ATP6V0A4: variants seen among roughly 807,000 people sequenced by gnomAD.
The protein encoded by ATP6V0A4 is ATPase H+ transporting V0 subunit a4.
In ATP6V0A4, 86 loss-of-function variants were observed where a neutral mutation model predicts 107.3. The ratio of observed to expected loss-of-function variants is 0.80; its 90% CI spans 0.67 to 0.96. The LOEUF is 0.96. Among genes scored for constraint, ATP6V0A4 ranks in the 40% least tolerant of loss-of-function variants. ATP6V0A4 has a pLI of 0.00. For missense variants in ATP6V0A4, 908 were observed against 1,045.6 expected, an observed-to-expected ratio of 0.87 and a Z score of 1.81; for synonymous variants, 353 against 381.4, an observed-to-expected ratio of 0.93 and a Z score of 0.87.
intron 3 of ATP6V0A4, among the ~76,000 whole-genome samples, chr7:138,770,063 C>A (rs563027995): frequency 3.0e-4 from 45 of 151,188 alleles, no homozygotes; most frequent in African/African-American, 1.0e-3. Flanking sequence ...ACAACAACAA[C>A]AAAAAAAATT....
chr7:138,772,708 C>A (rs1192031444), intron 2 of ATP6V0A4, among the ~76,000 whole-genome samples: 1 of 152,200 alleles, frequency 6.6e-6, no homozygotes, highest in Non-Finnish European at 1.5e-5. Context: ...AGCCCGCACA[C>A]AGCATACGTA....
rs1806517750 is a variant in ATP6V0A4 at position 138,756,452 on chromosome 7, T to C, written c.722+6A>G. On this transcript the variant is annotated splice_donor_region_variant and intron_variant, in intron 9 of 21. Transcript: ENST00000310018. ...ACTGAAGAAAGAGCCATTCACTCCC[T>C]CTTACCCATCACAGATCTTCTTGAT... The C allele has an allele frequency of 1.2e-6, 2 of 1,606,786 alleles. No individual in the cohort carries two copies. The highest frequency in any genetic ancestry group is 2.7e-5 in the African/African-American group (2 of 74,300).
At chr7:138,721,312 G>C (rs1373455197) in intron 19 of ATP6V0A4, among the ~76,000 whole-genome samples, 5 of 152,184 alleles carry the variant, frequency 3.3e-5, no homozygotes, top group African/African-American at 9.7e-5. Flanking sequence ...GCCGAGGCAG[G>C]CAGATCACCT....
chr7:138,708,024 T>TATTA (rs1429164988), intron 21 of ATP6V0A4, among the ~76,000 whole-genome samples: 1 of 139,398 alleles, frequency 7.2e-6, no homozygotes, highest in Non-Finnish European at 1.5e-5. Context: ...TTATTTTATT[T>TATTA]ATTTATTTAT....
In ATP6V0A4 at chr7:138,732,325, C is replaced by G. The variant is rs577878844; in HGVS notation, c.1908+552G>C. ...ATGTACAAGACAATCTTCAATCCCT[C>G]TGCAATTATCCCTTTCATGTATTAC... On this transcript the variant is annotated intron_variant, in intron 17 of 21. Coordinates refer to ENST00000310018, the MANE Select transcript of ATP6V0A4 (RefSeq NM_020632.3). Among the ~76,000 whole-genome samples the G allele has an allele frequency of 2.6e-5, 4 of 152,210 alleles. No individual in the cohort carries two copies. In the East Asian group the frequency reaches 7.7e-4, roughly 29 times the overall value.
intron 21 of ATP6V0A4, among the ~76,000 whole-genome samples, chr7:138,709,081 C>T (rs1388754961): frequency 2.6e-5 from 4 of 151,652 alleles, no homozygotes; most frequent in East Asian, 1.9e-4. Flanking sequence ...TAGTGGCAGA[C>T]GCCTGTAATC....
At chr7:138,726,210 C>T (rs575283345) in intron 18 of ATP6V0A4, among the ~76,000 whole-genome samples, 70 of 152,044 alleles carry the variant, frequency 4.6e-4, no homozygotes, top group African/African-American at 1.5e-3. Context: ...AGGATGGTCT[C>T]GATCTCCTGA....
chr7:138,716,991 G>A (rs1264714519), intron 19 of ATP6V0A4, among the ~76,000 whole-genome samples: 1 of 152,174 alleles, frequency 6.6e-6, no homozygotes, highest in African/African-American at 2.4e-5. Context: ...GTGGTATCGT[G>A]GGAACACAGA....
At chr7:138,735,227 A>C in intron 15 of ATP6V0A4, among the ~76,000 whole-genome samples, 1 of 152,084 alleles carries the variant, frequency 6.6e-6, no homozygotes, top group East Asian at 1.9e-4. Flanking sequence ...TTCCCCATTT[A>C]AATCTCGGCA....
rs1043844377 is a variant in ATP6V0A4, at chr7:138,773,515, A to G, written c.-17-2251T>C. 6.6e-6 allele frequency among the ~76,000 whole-genome samples: 1 copy of G among 152,058 alleles called. No homozygotes were observed. Among genetic ancestry groups the G allele is most frequent in the Admixed American group, 6.6e-5 (1 of 15,262 alleles). ...GTTTAACTGCCTGGATTCCCCACACACAAACCAGTGAAGTCCACGAGGCTA... is the reference window on the plus strand; with the variant it reads ...GTTTAACTGCCTGGATTCCCCACACGCAAACCAGTGAAGTCCACGAGGCTA... On this transcript the variant is annotated intron_variant, in intron 2 of 21. Transcript: ENST00000310018. This position sits in a 1 kb window ranked among gnomAD's most constrained non-coding sequence, Gnocchi z 5.4.
chr7:138,779,365 T>A (rs796985109), intron 2 of ATP6V0A4, among the ~76,000 whole-genome samples: 2,522 of 150,898 alleles, frequency 0.017, 86 homozygotes, highest in African/African-American at 0.058. Context: ...AATAAATAAA[T>A]AAAAGATTGT....
rs145041425 is a variant in ATP6V0A4, at chr7:138,797,454, G to A, written c.-121+580C>T. 4.6e-3 allele frequency among the ~76,000 whole-genome samples: 693 copies of A among 151,956 alleles called. 11 individuals carry two copies. The South Asian group carries it at 0.046, about 10-fold the overall frequency. ...GCTGGTCTTGAACTCCTGACTTCAAGTGATCCACCTGCCTCAGCCTCCCAG... is the reference window on the plus strand; with the variant it reads ...GCTGGTCTTGAACTCCTGACTTCAAATGATCCACCTGCCTCAGCCTCCCAG... On this transcript the variant is annotated intron_variant, in intron 1 of 21. Coordinates refer to ENST00000310018, the MANE Select transcript of ATP6V0A4 (RefSeq NM_020632.3).
chr7:138,775,269 C>T (rs1807606990), intron 2 of ATP6V0A4, among the ~76,000 whole-genome samples: 1 of 152,086 alleles, frequency 6.6e-6, no homozygotes, highest in Non-Finnish European at 1.5e-5. Flanking sequence ...CACCCACTTC[C>T]CCTCCCCACC....
chr7:138,764,201 T>A (rs1272576325), intron 5 of ATP6V0A4, among the ~76,000 whole-genome samples: 1 of 151,716 alleles, frequency 6.6e-6, no homozygotes, highest in Non-Finnish European at 1.5e-5. Flanking sequence ...GAAGTTAGGA[T>A]AATGATGATC....
chr7:138,749,440 A>C (rs1338077279), intron 11 of ATP6V0A4, 123 bp from the exon 12 acceptor site: 2 of 1,101,988 alleles, frequency 1.8e-6, no homozygotes, highest in Non-Finnish European at 2.6e-6. Context: ...CAATCTCTTG[A>C]TCTCTCTGAG....
chr7:138,726,585 G>A (rs931797863), intron 18 of ATP6V0A4, among the ~76,000 whole-genome samples: 53 of 152,344 alleles, frequency 3.5e-4, no homozygotes, highest in Admixed American at 1.8e-3. Flanking sequence ...CCTGAAGTCC[G>A]TCAGAACAAA....
intron 11 of ATP6V0A4, 76 bp downstream of exon 11, chr7:138,752,549 A>G: frequency 4.5e-6 from 7 of 1,568,410 alleles, no homozygotes; most frequent in Non-Finnish European, 6.1e-6. Context: ...CATGTGGCCC[A>G]TGAGGCCAAC....
At chr7:138,728,379 A>G (rs1428075424) in intron 18 of ATP6V0A4, among the ~76,000 whole-genome samples, 1 of 151,818 alleles carries the variant, frequency 6.6e-6, no homozygotes, top group East Asian at 1.9e-4. Context: ...GGTACCCATC[A>G]CCATGCCTGG....
intron 1 of ATP6V0A4, among the ~76,000 whole-genome samples, chr7:138,788,174 C>T (rs1468186306): frequency 3.3e-5 from 5 of 151,994 alleles, no homozygotes; most frequent in East Asian, 3.9e-4. Flanking sequence ...GAAAAATTGG[C>T]GGAATATTTA....
Sources: gnomAD v4.1 joint callset for allele counts (sites outside exome capture counted in the v4.1 genomes callset) on GRCh38, gnomAD v4.1.1 for gene constraint, Gnocchi (gnomAD v3.1) non-coding constraint, MANE v1.5 for transcripts, NCBI Gene and HGNC (gene_info 2026-07-23, HGNC 2026-07-21) for gene names.